ZNF175: variants seen among roughly 807,000 people sequenced by gnomAD.
The protein encoded by ZNF175 is zinc finger protein 175.
Under a neutral mutation model 14.0 loss-of-function variants are expected in ZNF175, and 8 were observed. That is an observed-to-expected ratio of 0.57 (90% confidence interval 0.34 to 1.03). ZNF175 has a LOEUF of 1.03. Among genes scored for constraint, ZNF175 ranks in the 50% least tolerant of loss-of-function variants. The pLI is 0.03. For missense variants in ZNF175, 764 were observed against 849.5 expected, an observed-to-expected ratio of 0.90 and a Z score of 1.25; for synonymous variants, 255 against 296.8, an observed-to-expected ratio of 0.86 and a Z score of 1.45.
At chr19:51,581,703 T>G in intron 3 of ZNF175, 84 bp from the exon 4 acceptor site, 11 of 1,547,224 alleles carry the variant, frequency 7.1e-6, no homozygotes, top group Non-Finnish European at 9.6e-6. Context: ...TTGACTTTTC[T>G]AATGAGCCAG....
intron 2 of ZNF175, among the ~76,000 whole-genome samples, chr19:51,577,893 G>A (rs943588079): frequency 1.3e-5 from 2 of 151,276 alleles, no homozygotes; most frequent in Non-Finnish European, 2.9e-5. Flanking sequence ...TCAATCTCCT[G>A]ACCTCGTGAT....
chr19:51,586,578 C>T, intron 4 of ZNF175, 49 bp from the exon 5 acceptor site: 2 of 1,524,492 alleles, frequency 1.3e-6, no homozygotes, highest in Non-Finnish European at 1.8e-6. Flanking sequence ...TGCAGTTTCT[C>T]CTCTTTCTTG....
intron 4 of ZNF175, among the ~76,000 whole-genome samples, chr19:51,583,280 G>T (rs1236568664): frequency 6.6e-6 from 1 of 152,074 alleles, no homozygotes; most frequent in East Asian, 1.9e-4. Context: ...ACTGTGTTCT[G>T]CTACCTTACT....
chr19:51,591,843 A>T lies in ZNF175; in HGVS notation c.*3376A>T, dbSNP rs1197195644. 6.8e-6 allele frequency: 1 copy of T among 147,018 alleles called. No homozygotes were observed. The highest frequency in any genetic ancestry group is 6.9e-5 in the Admixed American group (1 of 14,404). The allele number at this position is 147,018 out of a possible 1,614,324, so 9.1% of individuals were successfully genotyped here. ...GAGTGCAGTGGCACGATCTCAGCTC[A>T]CTGCAAGCTCCGCCTCCCGGGTTCA... On this transcript the variant is annotated 3_prime_UTR_variant, in exon 5 of 5. Coordinates refer to ENST00000262259, the MANE Select transcript of ZNF175 (RefSeq NM_007147.4).
chr19:51,580,354 G>A (rs376349362), intron 2 of ZNF175, among the ~76,000 whole-genome samples: 83 of 152,080 alleles, frequency 5.5e-4, no homozygotes, highest in Admixed American at 1.5e-3. Flanking sequence ...ATTGATGATT[G>A]GGTTCAGATA....
At chr19:51,571,770 G>A (rs1981593712) in intron 1 of ZNF175, among the ~76,000 whole-genome samples, 1 of 152,158 alleles carries the variant, frequency 6.6e-6, no homozygotes, top group African/African-American at 2.4e-5. Context: ...TTCACTGTCC[G>A]TGGGACTAGG....
intron 2 of ZNF175, chr19:51,574,313 A>G (rs528128722): frequency 6.6e-6 from 1 of 152,374 alleles, no homozygotes; most frequent in Admixed American, 6.5e-5. Context: ...ATTAACACAA[A>G]ATAAATTGCA....
Position 51,573,131 on chromosome 19 carries a change from T to C in ZNF175, c.-180-19T>C, listed in dbSNP as rs1476771028. ...AGTGAATGTTGAATGAGTGACCATG[T>C]ACTCATTGCTTTTCCAAGGCTTCTG... On this transcript the variant is annotated intron_variant, in intron 1 of 4. Transcript: ENST00000262259. 4 of 603,114 alleles carry C rather than the reference T, an allele frequency of 6.6e-6. No individual in the cohort carries two copies. The highest frequency in any genetic ancestry group is 1.2e-5 in the Non-Finnish European group (4 of 345,056). The allele number at this position is 603,114 out of a possible 1,614,324, so 37.4% of individuals were successfully genotyped here.
rs1317561690 is a variant in ZNF175 at position 51,589,569 on chromosome 19, C to A, written c.*1102C>A. ...TTAGGATTAGCTCAGCTTGCCCCCCCTTTCCATCTCCACCATCTATAGTGA... is the reference window on the plus strand; with the variant it reads ...TTAGGATTAGCTCAGCTTGCCCCCCATTTCCATCTCCACCATCTATAGTGA... On this transcript the variant is annotated 3_prime_UTR_variant, in exon 5 of 5. Coordinates refer to ENST00000262259, the MANE Select transcript of ZNF175 (RefSeq NM_007147.4). The A allele has an allele frequency of 1.4e-6, 1 of 702,202 alleles. No individual in the cohort carries two copies. Among genetic ancestry groups the A allele is most frequent in the East Asian group, 2.7e-5 (1 of 37,274 alleles). The allele number at this position is 702,202 out of a possible 1,614,324, so 43.5% of individuals were successfully genotyped here.
Position 51,592,291 on chromosome 19 carries a change from G to T in ZNF175, c.*3824G>T. The T allele has an allele frequency of 4.3e-6, 1 of 230,764 alleles. No individual in the cohort carries two copies. Among genetic ancestry groups the T allele is most frequent in the African/African-American group, 2.3e-5 (1 of 43,242 alleles). The allele number at this position is 230,764 out of a possible 1,614,324, so 14.3% of individuals were successfully genotyped here. On this transcript the variant is annotated 3_prime_UTR_variant, in exon 5 of 5. Transcript: ENST00000262259. ...CTGCCCCTCGCTAGTTTGGTGGCAA[G>T]CAACTTAACCTCTCTGCCTTAATTT...
At chr19:51,585,670 T>C (rs1982142808) in intron 4 of ZNF175, among the ~76,000 whole-genome samples, 1 of 152,170 alleles carries the variant, frequency 6.6e-6, no homozygotes, top group South Asian at 2.1e-4. Context: ...ATTTAGTAAC[T>C]ATTATTTTTA....
Position 51,587,381 on chromosome 19 carries a change from G to T in ZNF175, c.1050G>T (p.Leu350Phe). ...AGGTCTTTATTCAGAGATCAGAATT[G>T]CTTACGCACCAGAAAACACACACTA... is the stretch of plus-strand genomic sequence containing the variant. ...CGKVFIQRSE[L>F]LTHQKTHTRK... is the part of the protein sequence containing the mutation. The change falls in exon 5 of 5, where the codon TTG (leucine) becomes TTT (phenylalanine). Residue 350 changes from leucine to phenylalanine, a missense_variant. By Grantham distance (22) the Leu-to-Phe change is conservative. Coordinates refer to ENST00000262259, the MANE Select transcript of ZNF175 (RefSeq NM_007147.4). 6.2e-7 allele frequency: 1 copy of T among 1,614,044 alleles called. No individual in the cohort carries two copies. The highest frequency in any genetic ancestry group is 8.5e-7 in the Non-Finnish European group (1 of 1,180,002).
intron 2 of ZNF175, among the ~76,000 whole-genome samples, chr19:51,577,868 T>A (rs969683717): frequency 6.6e-6 from 1 of 151,352 alleles, no homozygotes; most frequent in Admixed American, 6.6e-5. Context: ...TTTCACCGTG[T>A]TAGCCAGGAT....
Position 51,590,867 on chromosome 19 carries a change from C to G in ZNF175, c.*2400C>G, listed in dbSNP as rs1982324085. 6.6e-6 allele frequency: 1 copy of G among 152,236 alleles called. No individual in the cohort carries two copies. The highest frequency in any genetic ancestry group is 1.5e-5 in the Non-Finnish European group (1 of 68,102). The allele number at this position is 152,236 out of a possible 1,614,324, so 9.4% of individuals were successfully genotyped here. On this transcript the variant is annotated 3_prime_UTR_variant, in exon 5 of 5. Transcript: ENST00000262259. ...TGGGTCCTGGGAGTGGCACCCTGAC[C>G]AGTTTCAGGGAGGAAGGTGGCAGGG... is the stretch of plus-strand genomic sequence containing the variant.
At chr19:51,578,337 T>C (rs898133638) in intron 2 of ZNF175, among the ~76,000 whole-genome samples, 15 of 151,682 alleles carry the variant, frequency 9.9e-5, no homozygotes, top group Admixed American at 3.3e-4. Flanking sequence ...GAGGTGGAGG[T>C]TGCAGTGATC....
At chr19:51,572,800 C>A (rs1981638974) in intron 1 of ZNF175, among the ~76,000 whole-genome samples, 1 of 152,170 alleles carries the variant, frequency 6.6e-6, no homozygotes, top group African/African-American at 2.4e-5. Context: ...TGACAACTTT[C>A]TTTTTTTAAT....
chr19:51,586,390 T>C (rs1288709233), intron 4 of ZNF175, among the ~76,000 whole-genome samples: 1 of 152,266 alleles, frequency 6.6e-6, no homozygotes, highest in Non-Finnish European at 1.5e-5. Context: ...GAGGTTATTA[T>C]GCAGATTAAA....
Position 51,572,858 on chromosome 19 carries a change from A to G in ZNF175, c.-180-292A>G, listed in dbSNP as rs963587640. Among the ~76,000 whole-genome samples the G allele has an allele frequency of 2.6e-5, 4 of 152,220 alleles. 1 individual carries two copies. The highest frequency in any genetic ancestry group is 2.0e-4 in the Admixed American group (3 of 15,292). The stretch of plus-strand genomic sequence containing the variant: ...AGGCACTGAGGACTTGACAAGCTTC[A>G]TCTTGGTTAAGTTTCCCAACATCTG... On this transcript the variant is annotated intron_variant, in intron 1 of 4. Coordinates refer to ENST00000262259, the MANE Select transcript of ZNF175 (RefSeq NM_007147.4).
rs773537437 is a variant in ZNF175, at chr19:51,587,590, C to T, written c.1259C>T (p.Ala420Val). 4.3e-6 allele frequency: 7 copies of T among 1,613,948 alleles called. No individual in the cohort carries two copies. In the African/African-American group the frequency reaches 8.0e-5, roughly 18 times the overall value. Residue 420 changes from alanine to valine, a missense_variant, in exon 5 of 5, where the codon GCA becomes GTA. Coordinates refer to ENST00000262259, the MANE Select transcript of ZNF175 (RefSeq NM_007147.4). ...QKIHTGERQY[A>V]CSECGKAFTQ... ...ATTCATACTGGTGAGAGACAGTATG[C>T]ATGCAGTGAATGTGGGAAAGCCTTT...
Sources: allele counts gnomAD v4.1 joint callset (sites outside exome capture counted in the v4.1 genomes callset), GRCh38; gene constraint gnomAD v4.1.1; transcripts MANE v1.5; gene names NCBI Gene and HGNC (gene_info 2026-07-23, HGNC 2026-07-21).